Variants in SYPL1 observed in about 807,000 individuals in gnomAD.
SYPL1 encodes synaptophysin-like protein 1.
In SYPL1, 6 loss-of-function variants were observed where a neutral mutation model predicts 23.7. The observed-to-expected ratio is 0.25, with a 90% CI of 0.14 to 0.50. The LOEUF is 0.50. SYPL1 is among the 20% of genes least tolerant of loss of function. The pLI is 0.98. For synonymous variants in SYPL1, 102 were observed against 104.5 expected (o/e 0.98, Z 0.15); for missense variants, 253 against 288.9 (o/e 0.88, Z 0.90).
intron 1 of SYPL1, 25 bp downstream of exon 1, chr7:106,112,115 C>A (rs747518427): frequency 2.8e-6 from 4 of 1,428,414 alleles, no homozygotes; most frequent in Admixed American, 2.1e-5. Flanking sequence ...GGCAGGCGGG[C>A]CTGGCCGGCG....
chr7:106,106,087 AATT>A (rs981090610), intron 1 of SYPL1, among the ~76,000 whole-genome samples: 16 of 152,258 alleles, frequency 1.1e-4, no homozygotes, highest in Non-Finnish European at 1.9e-4. Flanking sequence ...AACAATAAAA[AATT>A]ATCAGAATAG....
chr7:106,107,807 A>G (rs1353176109), intron 1 of SYPL1, among the ~76,000 whole-genome samples: 1 of 152,186 alleles, frequency 6.6e-6, no homozygotes, highest in Non-Finnish European at 1.5e-5. Context: ...TGAAATAAAC[A>G]GCTAGAAGTT....
chr7:106,098,807 T>C (rs886762883), intron 2 of SYPL1, among the ~76,000 whole-genome samples: 14 of 152,246 alleles, frequency 9.2e-5, no homozygotes, highest in African/African-American at 3.1e-4. Flanking sequence ...CTAAGTTATG[T>C]TTCCTTCTAC....
chr7:106,112,473 C>T, upstream of SYPL1: 1 of 1,510,802 alleles, frequency 6.6e-7, no homozygotes, highest in Non-Finnish European at 8.8e-7. Flanking sequence ...TCTCCTCAGG[C>T]CGCACCTGGC....
At chr7:106,111,246 T>C (rs911285774) in intron 1 of SYPL1, among the ~76,000 whole-genome samples, 3 of 152,184 alleles carry the variant, frequency 2.0e-5, no homozygotes, top group South Asian at 2.1e-4. Flanking sequence ...TCTTCACCAC[T>C]CTATCACTAA....
At position 106,096,845 on chromosome 7, in the gene SYPL1, T is replaced by C. The variant is rs1177630977; in HGVS notation, c.402+845A>G. Among the ~76,000 whole-genome samples the C allele has an allele frequency of 2.6e-5, 4 of 152,210 alleles. No homozygotes were observed. The highest frequency in any genetic ancestry group is 5.9e-5 in the Non-Finnish European group (4 of 68,042). ...TATCTCTGTTACAACTACTCAACTT[T>C]ACCATTGCAGTGTGAAAGCAGCCAT... On this transcript the variant is annotated intron_variant, in intron 3 of 4. Coordinates refer to ENST00000455385, the MANE Select transcript of SYPL1 (RefSeq NM_182715.4). This position sits in a 1 kb window ranked among gnomAD's most constrained non-coding sequence, Gnocchi z 4.4.
At chr7:106,103,337 T>G (rs1242063093) in intron 1 of SYPL1, among the ~76,000 whole-genome samples, 1 of 152,210 alleles carries the variant, frequency 6.6e-6, no homozygotes, top group Non-Finnish European at 1.5e-5. Context: ...TATAAAACCA[T>G]TTTTTAAAAA....
At chr7:106,112,412 G>C, upstream of SYPL1, 1 of 1,402,620 alleles carries the variant, frequency 7.1e-7, no homozygotes, top group Non-Finnish European at 9.3e-7. Context: ...CGGAAACGGA[G>C]TGGGGCGGCT....
Position 106,091,470 on chromosome 7 carries a change from AAT to A in SYPL1, c.*333_*334del, listed in dbSNP as rs1166537444. ...GTTTTTCTTCCTACTATGGTATGAC[AAT>A]ATAACTGTTTTCTGAATGAAGATAC... On this transcript the variant is annotated 3_prime_UTR_variant, in exon 5 of 5. Coordinates refer to ENST00000455385, the MANE Select transcript of SYPL1 (RefSeq NM_182715.4). This position sits in a 1 kb window ranked among gnomAD's most constrained non-coding sequence, Gnocchi z 5.0. 5 of 198,426 alleles carry A rather than the reference AAT, an allele frequency of 2.5e-5. No individual in the cohort carries two copies. Among genetic ancestry groups the A allele is most frequent in the Admixed American group, 1.6e-4 (3 of 18,708 alleles). The allele number at this position is 198,426 out of a possible 1,614,324, so 12.3% of individuals were successfully genotyped here. A position where few individuals can be genotyped will look rare whatever the true frequency, so the allele number is the denominator to read the frequency against.
intron 1 of SYPL1, among the ~76,000 whole-genome samples, chr7:106,111,421 G>A (rs1397740587): frequency 6.6e-6 from 1 of 152,180 alleles, no homozygotes; most frequent in Non-Finnish European, 1.5e-5. Context: ...ATTAATAAGC[G>A]TTCTTTGATG....
chr7:106,099,089 C>T (rs1329376583), intron 2 of SYPL1, 69 bp downstream of exon 2: 1 of 1,549,182 alleles, frequency 6.5e-7, no homozygotes, highest in East Asian at 2.3e-5. Context: ...CAATAAATTG[C>T]TGGAAATCTT....
chr7:106,103,190 C>T (rs1354306737), intron 1 of SYPL1, among the ~76,000 whole-genome samples: 6 of 152,138 alleles, frequency 3.9e-5, no homozygotes, highest in African/African-American at 4.8e-5. Flanking sequence ...ATAGTATATT[C>T]TTACACTGGG....
intron 1 of SYPL1, among the ~76,000 whole-genome samples, chr7:106,106,943 T>G (rs1840635735): frequency 6.6e-6 from 1 of 152,250 alleles, no homozygotes; most frequent in Non-Finnish European, 1.5e-5. Context: ...AATACTAGTA[T>G]TCACCTGGTT....
chr7:106,103,340 T>A (rs937765703), intron 1 of SYPL1, among the ~76,000 whole-genome samples: 2 of 152,208 alleles, frequency 1.3e-5, no homozygotes, highest in East Asian at 3.8e-4. Flanking sequence ...AAAACCATTT[T>A]TTAAAAAGCT....
At position 106,091,890 on chromosome 7, in the gene SYPL1, A is replaced by G; in HGVS notation, c.641T>C (p.Val214Ala). ...ACTGTGTAGGCTGGTCTCCTTGTAC[A>G]CAAACCAAGCATTTCCTCCCCAGAG... is the stretch of plus-strand genomic sequence containing the variant. ...MILWGGNAWF[V>A]YKETSLHSPS... is the part of the protein sequence containing the mutation. The change falls in exon 5 of 5, where the codon GTG becomes GCG. Residue 214 changes from valine to alanine, a missense_variant. Coordinates refer to ENST00000455385, the MANE Select transcript of SYPL1 (RefSeq NM_182715.4). The surrounding 1 kb of genome is among the most constrained non-coding windows in gnomAD (Gnocchi z 5.0). The G allele has an allele frequency of 9.3e-6, 15 of 1,613,766 alleles. No homozygotes were observed. The highest frequency in any genetic ancestry group is 1.3e-5 in the Non-Finnish European group (15 of 1,179,838).
intron 4 of SYPL1, among the ~76,000 whole-genome samples, chr7:106,092,244 C>A (rs567939287): frequency 6.6e-6 from 1 of 152,246 alleles, no homozygotes; most frequent in South Asian, 2.1e-4. Context: ...TGATTATCAA[C>A]TGCTTGTGTA....
Position 106,095,157 on chromosome 7 carries a change from CA to C in SYPL1, c.403-2021del, listed in dbSNP as rs773500017. ...GAAACCTTAAACTCCTGCTACTTAACAAAAAAAAAAGTGCTATATTTACTTC... is the reference window on the plus strand; with the variant it reads ...GAAACCTTAAACTCCTGCTACTTAACAAAAAAAAAGTGCTATATTTACTTC... On this transcript the variant is annotated intron_variant, in intron 3 of 4. Coordinates refer to ENST00000455385, the MANE Select transcript of SYPL1 (RefSeq NM_182715.4). The surrounding 1 kb of genome is among the most constrained non-coding windows in gnomAD (Gnocchi z 4.3). Among the ~76,000 whole-genome samples, 65 of 144,332 alleles carry C rather than the reference CA, an allele frequency of 4.5e-4. No homozygotes were observed. In the East Asian group the frequency reaches 8.6e-3, roughly 19 times the overall value. The allele number at this position is 144,332 out of a possible 152,430, so 94.7% of individuals were successfully genotyped here.
In SYPL1 at chr7:106,093,141, A is replaced by G. The variant is rs1169410100; in HGVS notation, c.403-4T>C. 1 of 1,588,368 alleles carries G rather than the reference A, an allele frequency of 6.3e-7. No homozygotes were observed. The highest frequency in any genetic ancestry group is 1.8e-5 in the Admixed American group (1 of 54,362). ...CAACAAGTGTAACAACAAAGTCCTAAAGCAAAAATCAGTAAGAGTTAATAA... is the reference window on the plus strand; with the variant it reads ...CAACAAGTGTAACAACAAAGTCCTAGAGCAAAAATCAGTAAGAGTTAATAA... On this transcript the variant is annotated splice_region_variant and splice_polypyrimidine_tract_variant and intron_variant, in intron 3 of 4. Coordinates refer to ENST00000455385, the MANE Select transcript of SYPL1 (RefSeq NM_182715.4).
At chr7:106,105,918 C>T (rs1840570329) in intron 1 of SYPL1, among the ~76,000 whole-genome samples, 1 of 152,130 alleles carries the variant, frequency 6.6e-6, no homozygotes, top group Non-Finnish European at 1.5e-5. Context: ...ACAAAATTGA[C>T]CCATGGCTTT....
Sources: gnomAD v4.1 joint callset for allele counts (sites outside exome capture counted in the v4.1 genomes callset) on GRCh38, gnomAD v4.1.1 for gene constraint, Gnocchi (gnomAD v3.1) non-coding constraint, MANE v1.5 for transcripts, NCBI Gene and HGNC (gene_info 2026-07-23, HGNC 2026-07-21) for gene names.